Variants in SOX6 observed in about 807,000 individuals in gnomAD.
SOX6 encodes SRY-box transcription factor 6.
SOX6 carries 11 observed loss-of-function variants against 97.8 expected under a neutral mutation model. The ratio of observed to expected loss-of-function variants is 0.11; its 90% CI spans 0.07 to 0.19. SOX6 has a LOEUF of 0.19. SOX6 is among the 10% of genes least tolerant of loss of function. SOX6 has a pLI of 1.00. For missense variants in SOX6, 810 were observed against 1,039.5 expected (o/e 0.78, Z 3.04); for synonymous variants, 360 against 371.4 (o/e 0.97, Z 0.35).
chr11:16,569,855 C>G (rs1183059232), intron 4 of SOX6, among the ~76,000 whole-genome samples: 1 of 81,450 alleles, frequency 1.2e-5, no homozygotes, highest in Non-Finnish European at 2.0e-5. Flanking sequence ...GGTGACTGAT[C>G]AAGACTCCGT....
At chr11:16,281,255 G>A (rs904512845) in intron 3 of SOX6, among the ~76,000 whole-genome samples, 8 of 151,976 alleles carry the variant, frequency 5.3e-5, no homozygotes, top group African/African-American at 1.9e-4. Context: ...GCTTTTGGTC[G>A]TGTATGTGTC....
intron 9 of SOX6, among the ~76,000 whole-genome samples, chr11:16,076,666 C>T (rs188217157): frequency 7.0e-6 from 1 of 143,856 alleles, no homozygotes; most frequent in Non-Finnish European, 1.5e-5. Context: ...TGATGGAAGG[C>T]GAAAGGGAAG....
At chr11:16,693,929 T>C (rs1427492036) in intron 3 of SOX6, among the ~76,000 whole-genome samples, 3 of 152,206 alleles carry the variant, frequency 2.0e-5, no homozygotes, top group Non-Finnish European at 4.4e-5. Flanking sequence ...TATTTTAAGA[T>C]AGTTTTTAGG....
intron 9 of SOX6, among the ~76,000 whole-genome samples, chr11:16,060,070 A>G (rs928382026): frequency 1.3e-5 from 2 of 152,034 alleles, no homozygotes; most frequent in Non-Finnish European, 2.9e-5. Flanking sequence ...CATTAAAAAG[A>G]TCAAATAAAT....
intron 13 of SOX6, among the ~76,000 whole-genome samples, chr11:15,992,855 T>C (rs1162435630): frequency 6.6e-6 from 1 of 152,142 alleles, no homozygotes; most frequent in African/African-American, 2.4e-5. Flanking sequence ...AACAAATATT[T>C]CTTCAATATT....
intron 7 of SOX6, among the ~76,000 whole-genome samples, chr11:16,108,345 A>T (rs1849147937): frequency 6.6e-6 from 1 of 152,104 alleles, no homozygotes; most frequent in Admixed American, 6.6e-5. Flanking sequence ...CAACTACATA[A>T]AGCAATGGGT....
At chr11:16,521,192 GA>G (rs1861051931) in intron 4 of SOX6, among the ~76,000 whole-genome samples, 1 of 152,194 alleles carries the variant, frequency 6.6e-6, no homozygotes, top group African/African-American at 2.4e-5. Flanking sequence ...GTGGGTCCCT[GA>G]CCCCTGAACC....
At chr11:16,345,702 G>C (rs1481998352) in intron 1 of SOX6, among the ~76,000 whole-genome samples, 1 of 151,944 alleles carries the variant, frequency 6.6e-6, no homozygotes, top group African/African-American at 2.4e-5. Flanking sequence ...TTCTATCTCA[G>C]AATATCATAT....
At chr11:16,183,782 G>A (rs1851401799) in intron 6 of SOX6, 104 bp downstream of exon 6, 1 of 959,944 alleles carries the variant, frequency 1.0e-6, no homozygotes. Flanking sequence ...CAGCCTTATT[G>A]GTGCTGTTTA....
chr11:16,234,803 G>A, intron 3 of SOX6, 132 bp from the exon 4 acceptor site: 1 of 489,356 alleles, frequency 2.0e-6, no homozygotes, highest in South Asian at 3.1e-5. Context: ...CCAGGATATA[G>A]AAAATTACAT....
chr11:16,019,963 T>C (rs1855004316), intron 12 of SOX6, among the ~76,000 whole-genome samples: 1 of 152,176 alleles, frequency 6.6e-6, no homozygotes, highest in Admixed American at 6.5e-5. Flanking sequence ...GGAAGCTAAA[T>C]AAGTCTTGTC....
intron 3 of SOX6, among the ~76,000 whole-genome samples, chr11:16,239,829 A>G (rs550976766): frequency 2.6e-5 from 4 of 151,878 alleles, no homozygotes; most frequent in Admixed American, 6.6e-5. Context: ...GGAGTGGCCA[A>G]TCTTGTCCTG....
intron 3 of SOX6, among the ~76,000 whole-genome samples, chr11:16,258,844 C>T (rs141150313): frequency 0.013 from 1,919 of 151,000 alleles, 43 homozygotes; most frequent in African/African-American, 0.044. Flanking sequence ...CACACACACA[C>T]ATATATATAC....
At chr11:16,549,778 C>T (rs575607972) in intron 4 of SOX6, among the ~76,000 whole-genome samples, 2 of 152,114 alleles carry the variant, frequency 1.3e-5, no homozygotes, top group Non-Finnish European at 1.5e-5. Flanking sequence ...ATACAAAATA[C>T]TGTTACCTAC....
intron 12 of SOX6, among the ~76,000 whole-genome samples, chr11:16,016,687 T>C (rs1323969693): frequency 6.6e-6 from 1 of 152,026 alleles, no homozygotes; most frequent in African/African-American, 2.4e-5. Flanking sequence ...AGCACTTTGG[T>C]TGTCATGATG....
At chr11:16,731,411 C>T (rs989303867) in intron 2 of SOX6, among the ~76,000 whole-genome samples, 3 of 152,206 alleles carry the variant, frequency 2.0e-5, no homozygotes, top group Non-Finnish European at 4.4e-5. Context: ...ATCAAGTCAG[C>T]TTCATCCTGG....
At chr11:16,405,334 C>T (rs1429675884) in intron 1 of SOX6, among the ~76,000 whole-genome samples, 3 of 151,932 alleles carry the variant, frequency 2.0e-5, no homozygotes, top group African/African-American at 7.2e-5. Flanking sequence ...GAAAAGAAGA[C>T]TAAATGCTAA....
chr11:16,484,288 C>T (rs1860394582), intron 4 of SOX6: 12 of 1,116,734 alleles, frequency 1.1e-5, no homozygotes, highest in South Asian at 2.5e-5. Context: ...CCACATTGCC[C>T]GACTCATCCA....
chr11:16,709,029 A>C (rs191747694), intron 3 of SOX6, among the ~76,000 whole-genome samples: 17 of 152,312 alleles, frequency 1.1e-4, no homozygotes, highest in African/African-American at 3.8e-4. Context: ...TACAGAATGA[A>C]GAGGTGGCAT....
Sources: gnomAD v4.1 joint callset for allele counts (sites outside exome capture counted in the v4.1 genomes callset) on GRCh38, gnomAD v4.1.1 for gene constraint, MANE v1.5 for transcripts, NCBI Gene and HGNC (gene_info 2026-07-23, HGNC 2026-07-21) for gene names.